CCDC7: variants seen among roughly 807,000 people sequenced by gnomAD.
CCDC7 encodes the protein coiled-coil domain-containing protein 7.
In CCDC7, 183 loss-of-function variants were observed where a neutral mutation model predicts 196.9. The observed-to-expected ratio is 0.93, with a 90% confidence interval of 0.82 to 1.05. CCDC7 has a LOEUF of 1.05. Among genes scored for constraint, CCDC7 ranks in the 50% least tolerant of loss-of-function variants. The pLI is 0.00. For synonymous variants in CCDC7, 525 were observed against 484.6 expected, an observed-to-expected ratio of 1.08 and a Z score of -1.10; for missense variants, 1,540 against 1,482.2, an observed-to-expected ratio of 1.04 and a Z score of -0.64.
rs1335067 is a variant in CCDC7, at chr10:32,684,092, G to C, written c.2123-1878G>C. ...GCAGCCAGCCCAAGTGATCAGGTTG[G>C]GGGGTGGGGTGAGGTGGGTTGCTGT... On this transcript the variant is annotated intron_variant, in intron 21 of 41. Transcript: ENST00000639629. Among the ~76,000 whole-genome samples, 304 of 152,204 alleles carry C rather than the reference G, an allele frequency of 2.0e-3. 6 individuals carry two copies. In the East Asian group the frequency reaches 0.047, roughly 23 times the overall value.
chr10:32,771,984 G>T (rs1234036479), intron 28 of CCDC7, among the ~76,000 whole-genome samples: 2 of 152,214 alleles, frequency 1.3e-5, no homozygotes, highest in East Asian at 3.9e-4. Flanking sequence ...GCCTTATGTT[G>T]TCCAGGGTGG....
chr10:32,491,222 A>T (rs2042101211), intron 8 of CCDC7, among the ~76,000 whole-genome samples: 1 of 152,180 alleles, frequency 6.6e-6, no homozygotes, highest in Non-Finnish European at 1.5e-5. Context: ...ATTAATGTTT[A>T]GGAACTCTTG....
intron 16 of CCDC7, among the ~76,000 whole-genome samples, chr10:32,577,874 G>A (rs2058375059): frequency 6.6e-6 from 1 of 152,238 alleles, no homozygotes; most frequent in African/African-American, 2.4e-5. Context: ...TCGGGTTGAA[G>A]AGTGAGAAAA....
chr10:32,830,141 T>TATATATATATATATATATATATATATATA (rs2091994351), intron 32 of CCDC7, among the ~76,000 whole-genome samples: 1 of 119,630 alleles, frequency 8.4e-6, no homozygotes, highest in Admixed American at 8.9e-5. Context: ...TATATATATA[T>TATATATATATATATATATATATATATATA]CCTATTAGTT....
chr10:32,695,892 C>T (rs1051706910), intron 24 of CCDC7, among the ~76,000 whole-genome samples: 29 of 152,150 alleles, frequency 1.9e-4, no homozygotes, highest in African/African-American at 7.0e-4. Flanking sequence ...AAAGACAGAA[C>T]TACGGCATGA....
chr10:32,614,420 A>G (rs1189629425), intron 18 of CCDC7, among the ~76,000 whole-genome samples: 3 of 152,018 alleles, frequency 2.0e-5, no homozygotes, highest in African/African-American at 7.2e-5. Flanking sequence ...GTGTCTTTTC[A>G]TTGGGGCATT....
At chr10:32,655,637 C>A (rs1331298063) in intron 20 of CCDC7, among the ~76,000 whole-genome samples, 2 of 152,118 alleles carry the variant, frequency 1.3e-5, no homozygotes, top group Non-Finnish European at 2.9e-5. Context: ...AGTGATTCTC[C>A]TACCTCAACT....
chr10:32,812,757 C>T (rs2135377583), intron 30 of CCDC7, among the ~76,000 whole-genome samples: 1 of 152,222 alleles, frequency 6.6e-6, no homozygotes, highest in African/African-American at 2.4e-5. Context: ...TAGTATTTAA[C>T]CCAATATTTC....
intron 25 of CCDC7, among the ~76,000 whole-genome samples, chr10:32,723,233 GTGCGT>G (rs2142190834): frequency 6.6e-6 from 1 of 152,216 alleles, no homozygotes; most frequent in South Asian, 2.1e-4. Flanking sequence ...CCTGGAGAGA[GTGCGT>G]GATTACCAGT....
intron 13 of CCDC7, among the ~76,000 whole-genome samples, chr10:32,552,156 T>G (rs1161967488): frequency 6.6e-6 from 1 of 152,206 alleles, no homozygotes; most frequent in Non-Finnish European, 1.5e-5. Context: ...CAAAATATCC[T>G]TCTTTGTCTC....
intron 8 of CCDC7, 55 bp downstream of exon 9, chr10:32,474,078 T>G: frequency 6.4e-7 from 1 of 1,556,806 alleles, no homozygotes; most frequent in Middle Eastern, 1.8e-4. Context: ...TTACATTAAT[T>G]TCTATAAAGT....
At chr10:32,695,482 G>T (rs1395271584) in intron 24 of CCDC7, among the ~76,000 whole-genome samples, 1 of 152,210 alleles carries the variant, frequency 6.6e-6, no homozygotes, top group African/African-American at 2.4e-5. Flanking sequence ...AAGGGTAGAG[G>T]TCTTATTGGT....
intron 32 of CCDC7, among the ~76,000 whole-genome samples, chr10:32,828,007 C>T (rs964409673): frequency 3.3e-5 from 5 of 152,108 alleles, no homozygotes; most frequent in African/African-American, 1.2e-4. Context: ...AGGCTGCTAC[C>T]TGTGAGGCTT....
At chr10:32,655,857 C>G (rs192161210) in intron 20 of CCDC7, among the ~76,000 whole-genome samples, 2 of 152,136 alleles carry the variant, frequency 1.3e-5, no homozygotes, top group African/African-American at 4.8e-5. Context: ...TATATGTCTT[C>G]TTTTGAGAAA....
intron 9 of CCDC7, among the ~76,000 whole-genome samples, chr10:32,516,983 CAT>C (rs1286964627): frequency 6.6e-6 from 1 of 152,110 alleles, no homozygotes; most frequent in East Asian, 1.9e-4. Flanking sequence ...TTGGCAGTAA[CAT>C]AGATAAACAT....
chr10:32,575,042 G>A (rs1368787794), intron 16 of CCDC7, among the ~76,000 whole-genome samples: 3 of 151,944 alleles, frequency 2.0e-5, no homozygotes, highest in Non-Finnish European at 4.4e-5. Context: ...CATTATAACA[G>A]GAGAGACAAA....
intron 28 of CCDC7, among the ~76,000 whole-genome samples, chr10:32,745,382 A>G (rs2074542612): frequency 1.3e-5 from 2 of 152,356 alleles, no homozygotes; most frequent in South Asian, 4.1e-4. Context: ...TACAAGAAGC[A>G]TGGTGTCAGC....
intron 16 of CCDC7, among the ~76,000 whole-genome samples, chr10:32,573,694 A>G (rs571231708): frequency 2.0e-5 from 3 of 152,308 alleles, no homozygotes; most frequent in East Asian, 3.9e-4. Flanking sequence ...AAATCATAGA[A>G]TGGATATATC....
intron 41 of CCDC7, among the ~76,000 whole-genome samples, chr10:32,866,757 T>A (rs2136647101): frequency 6.6e-6 from 1 of 151,642 alleles, no homozygotes; most frequent in South Asian, 2.1e-4. Flanking sequence ...AATAGATTTT[T>A]AAAAAAATTA....
Sources: gnomAD v4.1 joint callset for allele counts (sites outside exome capture counted in the v4.1 genomes callset) on GRCh38, gnomAD v4.1.1 for gene constraint, MANE v1.5 for transcripts, NCBI Gene and HGNC (gene_info 2026-07-23, HGNC 2026-07-21) for gene names.